DRICH1: variants seen among roughly 807,000 people sequenced by gnomAD.
DRICH1 encodes aspartate-rich protein 1.
A neutral mutation model predicts 39.5 loss-of-function variants in DRICH1; 38 were observed. The ratio of observed to expected loss-of-function variants is 0.96; its 90% CI spans 0.74 to 1.26. The LOEUF is 1.26. Among genes scored for constraint, DRICH1 ranks in the 50% most tolerant of loss-of-function variants. The pLI, the probability that DRICH1 is intolerant of heterozygous loss-of-function variation, is 0.00. For missense variants in DRICH1, 279 were observed against 270.4 expected, an observed-to-expected ratio of 1.03 and a Z score of -0.22; for synonymous variants, 84 against 99.5, an observed-to-expected ratio of 0.84 and a Z score of 0.93.
At chr22:23,612,558 G>A (rs949277575) in intron 11 of DRICH1, among the ~76,000 whole-genome samples, 7 of 151,792 alleles carry the variant, frequency 4.6e-5, no homozygotes, top group Non-Finnish European at 1.0e-4. Context: ...TTGAAGACAG[G>A]AAATAGTGTG....
chr22:23,620,755 T>A, intron 4 of DRICH1, 140 bp from the exon 5 acceptor site: 1 of 938,020 alleles, frequency 1.1e-6, no homozygotes, highest in Non-Finnish European at 1.7e-6. Context: ...CCAAACATTC[T>A]AGCATAGAGA....
At chr22:23,613,265 T>G in intron 11 of DRICH1, 24 bp downstream of exon 11, 1 of 1,605,318 alleles carries the variant, frequency 6.2e-7, no homozygotes, top group Admixed American at 1.7e-5. Context: ...CCCATTGGGT[T>G]TTTGCTGGCA....
intron 6 of DRICH1, among the ~76,000 whole-genome samples, chr22:23,618,389 C>T (rs1261263487): frequency 2.0e-5 from 3 of 152,052 alleles, no homozygotes; most frequent in Non-Finnish European, 4.4e-5. Flanking sequence ...GCTGGGATTA[C>T]AGGGGTGAGC....
At chr22:23,611,361 A>G (rs1927022427) in intron 11 of DRICH1, among the ~76,000 whole-genome samples, 1 of 150,728 alleles carries the variant, frequency 6.6e-6, no homozygotes, top group Non-Finnish European at 1.5e-5. Context: ...GTGCCCACAT[A>G]CCCAATTTAT....
At chr22:23,598,289 C>A in the DRICH1 span, among the ~76,000 whole-genome samples, 2 of 145,884 alleles carry the variant, frequency 1.4e-5, no homozygotes, top group Non-Finnish European at 3.1e-5. Context: ...CAGGATCACA[C>A]AGCATGTCAC....
intron 3 of DRICH1, among the ~76,000 whole-genome samples, chr22:23,622,436 A>G (rs749852114): frequency 6.6e-6 from 1 of 152,176 alleles, no homozygotes; most frequent in Non-Finnish European, 1.5e-5. Context: ...TAAAGCATAC[A>G]CTAAGGGTCA....
At position 23,631,807 on chromosome 22, in the gene DRICH1, C is replaced by T; in HGVS notation, c.208+9G>A. ...GCCAGAGGGTAAACGGCACCCGTGGCTTTTTTACCTGTGGGCATCTTTTGG... is the reference window on the plus strand; with the variant it reads ...GCCAGAGGGTAAACGGCACCCGTGGTTTTTTTACCTGTGGGCATCTTTTGG... On this transcript the variant is annotated intron_variant, in intron 1 of 11. Coordinates refer to ENST00000317749, the MANE Select transcript of DRICH1 (RefSeq NM_016449.4). 6.2e-7 allele frequency: 1 copy of T among 1,611,540 alleles called. No homozygotes were observed. Among genetic ancestry groups the T allele is most frequent in the Non-Finnish European group, 8.5e-7 (1 of 1,179,512 alleles).
the DRICH1 span, among the ~76,000 whole-genome samples, chr22:23,582,563 T>TATTATTATTA: frequency 4.1e-5 from 6 of 146,632 alleles, no homozygotes; most frequent in South Asian, 1.3e-3. Flanking sequence ...GGCTTATTAT[T>TATTATTATTA]ATTATTATTA....
the DRICH1 span, among the ~76,000 whole-genome samples, chr22:23,595,663 T>C: frequency 7.4e-4 from 112 of 152,332 alleles, 1 homozygote; most frequent in Admixed American, 3.3e-3. Context: ...GTGCAAAGTT[T>C]TGGGGGTCAG....
At chr22:23,604,880 C>T (rs1926648433), downstream of DRICH1, among the ~76,000 whole-genome samples, 1 of 152,162 alleles carries the variant, frequency 6.6e-6, no homozygotes, top group Admixed American at 6.5e-5. Context: ...TTACCTGGTT[C>T]CTCTCAGAGT....
the DRICH1 span, among the ~76,000 whole-genome samples, chr22:23,587,075 A>AAG: frequency 1.1e-4 from 17 of 152,296 alleles, no homozygotes; most frequent in South Asian, 3.5e-3. Context: ...CTTATCGTGC[A>AAG]AGAGTCATGT....
intron 10 of DRICH1, 47 bp downstream of exon 10, chr22:23,613,592 C>T (rs186144168): frequency 4.7e-5 from 71 of 1,509,586 alleles, no homozygotes; most frequent in Non-Finnish European, 1.8e-5. Flanking sequence ...TACACTGAAG[C>T]TAGCAAGTTT....
intron 7 of DRICH1, 54 bp from the exon 8 acceptor site, chr22:23,616,928 CCTTACACAGAT>C: frequency 6.3e-7 from 1 of 1,595,654 alleles, no homozygotes; most frequent in Non-Finnish European, 8.6e-7. Flanking sequence ...CTGCCACACC[CCTTACACAGAT>C]CTGTTAGTCT....
At chr22:23,604,539 T>C (rs1926630262), downstream of DRICH1, among the ~76,000 whole-genome samples, 1 of 152,054 alleles carries the variant, frequency 6.6e-6, no homozygotes, top group African/African-American at 2.4e-5. Flanking sequence ...TGCCTAGAAG[T>C]CCCTGCAGGA....
At chr22:23,590,554 C>T in the DRICH1 span, among the ~76,000 whole-genome samples, 1 of 152,024 alleles carries the variant, frequency 6.6e-6, no homozygotes, top group Non-Finnish European at 1.5e-5. Context: ...GCTGGGATTA[C>T]AGGTGGGAGC....
At position 23,632,321 on chromosome 22, in the gene DRICH1, T is replaced by C; in HGVS notation, c.-298A>G. 2 of 425,912 alleles carry C rather than the reference T, an allele frequency of 4.7e-6. No homozygotes were observed. Among genetic ancestry groups the C allele is most frequent in the Non-Finnish European group, 8.6e-6 (2 of 231,656 alleles). 26.4% of individuals were successfully genotyped at this position (425,912 alleles called of 1,614,324 possible). On this transcript the variant is annotated 5_prime_UTR_variant, in exon 1 of 12. Coordinates refer to ENST00000317749, the MANE Select transcript of DRICH1 (RefSeq NM_016449.4). The stretch of plus-strand genomic sequence containing the variant: ...CCTCCCTCCACTGCGAGCTACTGAC[T>C]GAGGGCTGCTGGCCCTGGCTGATGC...
Position 23,608,788 on chromosome 22 carries a change from C to A in DRICH1, c.686-20G>T. 1 of 1,558,362 alleles carries A rather than the reference C, an allele frequency of 6.4e-7. No homozygotes were observed. Among genetic ancestry groups the A allele is most frequent in the East Asian group, 2.4e-5 (1 of 42,074 alleles). On this transcript the variant is annotated intron_variant, in intron 11 of 11. Transcript: ENST00000317749. ...TTCACCCTGGATGAAGAGATAATCC[C>A]TTTTTAGTGAGAGCAGGCTCCCAGC...
the DRICH1 span, among the ~76,000 whole-genome samples, chr22:23,582,558 A>ATTC: frequency 2.4e-5 from 3 of 127,302 alleles, no homozygotes; most frequent in African/African-American, 8.0e-5. Flanking sequence ...TCAGGGGCTT[A>ATTC]TTATTATTAT....
At chr22:23,624,931 T>G (rs1927972385) in intron 2 of DRICH1, 27 bp from the exon 3 acceptor site, 2 of 1,612,088 alleles carry the variant, frequency 1.2e-6, no homozygotes, top group South Asian at 1.1e-5. Context: ...GAAGATGCTA[T>G]GAGGATCAGA....
Sources: gnomAD v4.1 joint callset for allele counts (sites outside exome capture counted in the v4.1 genomes callset) on GRCh38, gnomAD v4.1.1 for gene constraint, MANE v1.5 for transcripts, NCBI Gene and HGNC (gene_info 2026-07-23, HGNC 2026-07-21) for gene names.